Variants in CMYA5 observed in about 807,000 individuals in gnomAD.
The protein encoded by CMYA5 is cardiomyopathy associated 5.
CMYA5 carries 246 observed loss-of-function variants against 318.9 expected under a neutral mutation model. That is an observed-to-expected ratio of 0.77 (90% CI 0.70 to 0.86). CMYA5 has a LOEUF of 0.86. Among genes scored for constraint, CMYA5 ranks in the 40% least tolerant of loss-of-function variants. The pLI, the probability that CMYA5 is intolerant of heterozygous loss-of-function variation, is 0.00. For synonymous variants in CMYA5, 1,641 were observed against 1,729.5 expected (o/e 0.95, Z 1.27); for missense variants, 4,589 against 4,678.2 (o/e 0.98, Z 0.56).
At position 79,736,043 on chromosome 5, in the gene CMYA5, A is replaced by G. The variant is rs1286768233; in HGVS notation, c.7278A>G (p.Glu2426=). 1.2e-6 allele frequency: 2 copies of G among 1,612,438 alleles called. No homozygotes were observed. The highest frequency in any genetic ancestry group is 1.3e-5 in the African/African-American group (1 of 74,834). The change falls in exon 2 of 13, where the codon GAA becomes GAG. Residue 2426 remains glutamate, a synonymous_variant. Coordinates refer to ENST00000446378, the MANE Select transcript of CMYA5 (RefSeq NM_153610.5). ...AAGGCAGTTTAATTGATTTCAGTGA[A>G]GACAGACTCAAGAAAGAAATGCAAA... ...ESKGSLIDFS[E]DRLKKEMQNP...
rs1451622976 is a variant in CMYA5, at chr5:79,738,034, CTA to C, written c.9271_9272del (p.Ile3091LeufsTer14). Reference sequence around the variant, plus strand: ...CTCTCAAAGGAAGTTACAGAAGAAACTATCTCTTTCCCAGTAAGTTCAGTGGA... The same window carrying C: ...CTCTCAAAGGAAGTTACAGAAGAAACTCTCTTTCCCAGTAAGTTCAGTGGA... On this transcript the variant is annotated frameshift_variant, in exon 2 of 13. Transcript: ENST00000446378. LOFTEE classifies it high-confidence loss of function. 1 of 1,613,290 alleles carries C rather than the reference CTA, an allele frequency of 6.2e-7. No homozygotes were observed. The highest frequency in any genetic ancestry group is 2.2e-5 in the East Asian group (1 of 44,856).
chr5:79,693,542 G>A (rs4704575), intron 1 of CMYA5, among the ~76,000 whole-genome samples: 96,947 of 151,800 alleles, frequency 0.64, 32,985 homozygotes, highest in African/African-American at 0.88. Context: ...GGGTTTTGCC[G>A]TGTTGCCCAG....
chr5:79,711,020 A>T (rs1275147609), intron 1 of CMYA5, among the ~76,000 whole-genome samples: 2 of 152,220 alleles, frequency 1.3e-5, no homozygotes, highest in East Asian at 3.8e-4. Context: ...CTCTATAAAA[A>T]CAAAGCTATT....
rs1311909527 is a variant in CMYA5 at position 79,763,192 on chromosome 5, T to C, written c.11538T>C (p.Pro3846=). 1 of 1,607,596 alleles carries C rather than the reference T, an allele frequency of 6.2e-7. No homozygotes were observed. Among genetic ancestry groups the C allele is most frequent in the East Asian group, 2.2e-5 (1 of 44,678 alleles). Residue 3846 remains proline (P), a synonymous_variant, in exon 9 of 13, where the codon CCT becomes CCC. Coordinates refer to ENST00000446378, the MANE Select transcript of CMYA5 (RefSeq NM_153610.5). ...TGGAGTACTGCAGACAGCACTCTCCTGAGGGAGAGGGCCTCAGGTGAGGGG... is the reference window on the plus strand; with the variant it reads ...TGGAGTACTGCAGACAGCACTCTCCCGAGGGAGAGGGCCTCAGGTGAGGGG... ...YTLEYCRQHS[P]EGEGLRSFSG...
intron 9 of CMYA5, among the ~76,000 whole-genome samples, chr5:79,779,012 A>G (rs1829003273): frequency 2.3e-5 from 2 of 87,810 alleles, no homozygotes; most frequent in Admixed American, 2.6e-4. Context: ...CGCTGCACCC[A>G]CTAACGTGTC....
At chr5:79,701,800 A>C (rs1046101892) in intron 1 of CMYA5, among the ~76,000 whole-genome samples, 1 of 152,192 alleles carries the variant, frequency 6.6e-6, no homozygotes, top group Non-Finnish European at 1.5e-5. Flanking sequence ...AATAGCCAAT[A>C]AATGGAAACA....
chr5:79,702,515 G>A (rs1348485159), intron 1 of CMYA5, among the ~76,000 whole-genome samples: 2 of 152,160 alleles, frequency 1.3e-5, no homozygotes, highest in Admixed American at 6.5e-5. Flanking sequence ...AAAACATATT[G>A]TATGGTTTCA....
At chr5:79,702,961 C>A (rs17239926) in intron 1 of CMYA5, among the ~76,000 whole-genome samples, 1 of 152,134 alleles carries the variant, frequency 6.6e-6, no homozygotes, top group Non-Finnish European at 1.5e-5. Context: ...GCTCTCAAGT[C>A]GGTCTAAAAA....
At chr5:79,751,429 C>A (rs1828428723) in intron 5 of CMYA5, among the ~76,000 whole-genome samples, 1 of 152,148 alleles carries the variant, frequency 6.6e-6, no homozygotes, top group Admixed American at 6.5e-5. Flanking sequence ...AATACCCAGC[C>A]CAAATGTTAC....
At chr5:79,698,736 G>A (rs1827120608) in intron 1 of CMYA5, among the ~76,000 whole-genome samples, 1 of 152,134 alleles carries the variant, frequency 6.6e-6, no homozygotes, top group Non-Finnish European at 1.5e-5. Context: ...AGCACCTATC[G>A]TTATCTGCAA....
At position 79,689,976 on chromosome 5, in the gene CMYA5, C is replaced by G. The variant is rs1375159477; in HGVS notation, c.69C>G (p.Thr23=). The stretch of plus-strand genomic sequence containing the variant: ...GCTCCGACGGGGACGAGGAGGCGAC[C>G]CGGGAGCTGGAGACCGAGGAGGAGT... The part of the protein sequence containing the change: ...FLGSDGDEEA[T]RELETEEESE... The change falls in exon 1 of 13, where the codon ACC becomes ACG. Residue 23 remains threonine, a synonymous_variant. Coordinates refer to ENST00000446378, the MANE Select transcript of CMYA5 (RefSeq NM_153610.5). 7.3e-7 allele frequency: 1 copy of G among 1,373,766 alleles called. No homozygotes were observed. The allele number at this position is 1,373,766 out of a possible 1,614,324, so 85.1% of individuals were successfully genotyped here. A position where few individuals can be genotyped will look rare whatever the true frequency, so the allele number is the denominator to read the frequency against.
intron 1 of CMYA5, among the ~76,000 whole-genome samples, chr5:79,694,509 A>G (rs1162807849): frequency 6.6e-6 from 1 of 152,104 alleles, no homozygotes; most frequent in Non-Finnish European, 1.5e-5. Flanking sequence ...CTGTTGGTCA[A>G]TTTTCATTTC....
In CMYA5 at chr5:79,761,897, G is replaced by A. The variant is rs1220850450; in HGVS notation, c.11347G>A (p.Val3783Met). ...LEPDRCYQVW[V>M]MAVNFTGCSL... ...ACCTGACCGATGCTATCAAGTGTGGGTGATGGCTGTGAACTTCACTGGATG... is the reference window on the plus strand; with the variant it reads ...ACCTGACCGATGCTATCAAGTGTGGATGATGGCTGTGAACTTCACTGGATG... The change falls in exon 8 of 13, where the codon GTG (valine) becomes ATG (methionine). Residue 3783 changes from valine to methionine, a missense_variant. This residue lies in a region of CMYA5 where 2,431 missense variants were observed against 2,495.1 expected (regional missense o/e 0.97). Transcript: ENST00000446378. The A allele has an allele frequency of 1.9e-6, 3 of 1,613,614 alleles. No individual in the cohort carries two copies. The highest frequency in any genetic ancestry group is 1.3e-5 in the African/African-American group (1 of 74,924).
chr5:79,798,002 A>T (rs1829303691), intron 12 of CMYA5, among the ~76,000 whole-genome samples: 1 of 152,090 alleles, frequency 6.6e-6, no homozygotes, highest in South Asian at 2.1e-4. Context: ...TTGCTACCTG[A>T]AACGTTTAGT....
At chr5:79,716,545 A>T (rs995955375) in intron 1 of CMYA5, among the ~76,000 whole-genome samples, 4 of 152,274 alleles carry the variant, frequency 2.6e-5, no homozygotes, top group Non-Finnish European at 5.9e-5. Flanking sequence ...ACTTGAGAAG[A>T]AACATCTGAG....
intron 1 of CMYA5, among the ~76,000 whole-genome samples, chr5:79,719,927 C>G (rs1382954088): frequency 6.6e-6 from 1 of 152,058 alleles, no homozygotes; most frequent in African/African-American, 2.4e-5. Flanking sequence ...AATTCGAAAA[C>G]TGAAAAATAC....
At chr5:79,704,808 TC>T (rs912078457) in intron 1 of CMYA5, among the ~76,000 whole-genome samples, 35 of 152,278 alleles carry the variant, frequency 2.3e-4, no homozygotes, top group Admixed American at 8.5e-4. Context: ...CTGATGGTTT[TC>T]CTGTTTCCCC....
chr5:79,720,111 G>A (rs141974002), intron 1 of CMYA5, among the ~76,000 whole-genome samples: 134 of 152,256 alleles, frequency 8.8e-4, no homozygotes, highest in Non-Finnish European at 1.5e-3. Context: ...AGGCAATGAG[G>A]CAGAAGCAAT....
intron 1 of CMYA5, among the ~76,000 whole-genome samples, chr5:79,724,944 C>A (rs1293592786): frequency 1.3e-5 from 2 of 152,206 alleles, no homozygotes; most frequent in African/African-American, 4.8e-5. Context: ...CATCTCCTAT[C>A]TTCATTCACT....
Sources: allele counts gnomAD v4.1 joint callset (sites outside exome capture counted in the v4.1 genomes callset), GRCh38; gene constraint gnomAD v4.1.1; regional missense constraint gnomAD v4.1.1; transcripts MANE v1.5; gene names NCBI Gene and HGNC (gene_info 2026-07-23, HGNC 2026-07-21).